P2RY8: variants seen among roughly 807,000 people sequenced by gnomAD.
P2RY8 encodes the protein S-geranylgeranyl-glutathione receptor P2RY8.
A neutral mutation model predicts 10.0 loss-of-function variants in P2RY8; 6 were observed. The observed-to-expected ratio is 0.60, with a 90% CI of 0.33 to 1.19. The LOEUF (loss-of-function observed/expected upper bound fraction) is 1.19. Ranked by LOEUF, P2RY8 falls within the 50% of genes most tolerant of loss-of-function variation. The pLI is 0.04. For synonymous variants in P2RY8, 276 were observed against 252.5 expected (o/e 1.09, Z -0.88); for missense variants, 456 against 542.0 (o/e 0.84, Z 1.58).
At chrX:1,469,429 A>C (rs2091753519) in intron 1 of P2RY8, among the ~76,000 whole-genome samples, 1 of 151,718 alleles carries the variant, frequency 6.6e-6, no homozygotes, top group African/African-American at 2.4e-5. Flanking sequence ...GGCCTCCTAA[A>C]GTGCTGGGAT....
chrX:1,515,247 A>T (rs1289602872), intron 1 of P2RY8, among the ~76,000 whole-genome samples: 1 of 151,282 alleles, frequency 6.6e-6, no homozygotes, highest in Non-Finnish European at 1.5e-5. Context: ...TTATTTTTTA[A>T]AGATAAAAAC....
At chrX:1,515,245 T>A (rs1476075892) in intron 1 of P2RY8, among the ~76,000 whole-genome samples, 1 of 151,490 alleles carries the variant, frequency 6.6e-6, no homozygotes, top group Non-Finnish European at 1.5e-5. Flanking sequence ...TATTATTTTT[T>A]AAAGATAAAA....
intron 1 of P2RY8, among the ~76,000 whole-genome samples, chrX:1,484,906 T>A (rs1379279497): frequency 6.6e-6 from 1 of 150,390 alleles, no homozygotes; most frequent in African/African-American, 2.4e-5. Flanking sequence ...ATTCTCCTCC[T>A]AGGTAAAAGC....
At chrX:1,487,216 A>T (rs1389567968) in intron 1 of P2RY8, among the ~76,000 whole-genome samples, 1 of 152,188 alleles carries the variant, frequency 6.6e-6, no homozygotes. Flanking sequence ...TCTCAAGTCC[A>T]GCATTGTTTC....
intron 1 of P2RY8, among the ~76,000 whole-genome samples, chrX:1,533,429 T>A (rs768832442): frequency 1.4e-5 from 2 of 144,702 alleles, no homozygotes; most frequent in African/African-American, 5.0e-5. Context: ...TATATATTTA[T>A]ATATTTATTA....
intron 1 of P2RY8, among the ~76,000 whole-genome samples, chrX:1,534,173 A>G (rs2092506956): frequency 7.3e-6 from 1 of 136,806 alleles, no homozygotes; most frequent in African/African-American, 2.7e-5. Flanking sequence ...ATATTTACAT[A>G]TATTATATAT....
intron 1 of P2RY8, among the ~76,000 whole-genome samples, chrX:1,505,406 G>T (rs1425984336): frequency 6.6e-6 from 1 of 152,224 alleles, no homozygotes; most frequent in African/African-American, 2.4e-5. Flanking sequence ...CTCGTGGCCA[G>T]CAAGGACAGG....
chrX:1,530,471 T>C (rs180939642), intron 1 of P2RY8, among the ~76,000 whole-genome samples: 2 of 146,526 alleles, frequency 1.4e-5, no homozygotes, highest in East Asian at 4.2e-4. Flanking sequence ...TATGTATGTA[T>C]GTATCTACCT....
At chrX:1,473,005 G>C (rs1423770385) in intron 1 of P2RY8, among the ~76,000 whole-genome samples, 2 of 137,538 alleles carry the variant, frequency 1.5e-5, no homozygotes, top group Admixed American at 1.4e-4. Flanking sequence ...AGGGTGGATG[G>C]GTGGATGAAT....
chrX:1,511,158 C>T (rs112691465), intron 1 of P2RY8, among the ~76,000 whole-genome samples: 32,294 of 151,716 alleles, frequency 0.21, 3,810 homozygotes, highest in Middle Eastern at 0.36. Flanking sequence ...CCAGCCTGGG[C>T]GACAGAGTGA....
intron 1 of P2RY8, among the ~76,000 whole-genome samples, chrX:1,473,881 T>G (rs2091836964): frequency 6.7e-6 from 1 of 148,300 alleles, no homozygotes. Context: ...TGTGGGTGGA[T>G]GCATTGATGG....
At chrX:1,530,742 A>G (rs1236715493) in intron 1 of P2RY8, among the ~76,000 whole-genome samples, 1 of 150,826 alleles carries the variant, frequency 6.6e-6, no homozygotes, top group Non-Finnish European at 1.5e-5. Context: ...GTATGTATCT[A>G]TCTAATCTAT....
chrX:1,509,099 G>GCATCTATC (rs1556682551), intron 1 of P2RY8, among the ~76,000 whole-genome samples: 2 of 138,308 alleles, frequency 1.4e-5, no homozygotes, highest in Non-Finnish European at 3.2e-5. Context: ...ATGTATCTAT[G>GCATCTATC]TATCTATCTA....
chrX:1,496,817 G>C (rs757047889), intron 1 of P2RY8, among the ~76,000 whole-genome samples: 147 of 49,240 alleles, frequency 3.0e-3, no homozygotes, highest in African/African-American at 0.017. Flanking sequence ...CCTGCCTCAG[G>C]CTCCCGAGTA....
chrX:1,486,265 G>A (rs2091985044), intron 1 of P2RY8, among the ~76,000 whole-genome samples: 1 of 152,154 alleles, frequency 6.6e-6, no homozygotes, highest in Non-Finnish European at 1.5e-5. Context: ...GCATATGAAC[G>A]TTCCCTGCAG....
intron 1 of P2RY8, among the ~76,000 whole-genome samples, chrX:1,472,985 G>T (rs2091813375): frequency 8.5e-6 from 1 of 117,930 alleles, no homozygotes; most frequent in Non-Finnish European, 1.8e-5. Flanking sequence ...GATGGATGGG[G>T]GTGGGTGGGA....
chrX:1,495,170 C>T (rs184541016), intron 1 of P2RY8, among the ~76,000 whole-genome samples: 7 of 152,190 alleles, frequency 4.6e-5, no homozygotes, highest in Non-Finnish European at 1.0e-4. Flanking sequence ...GCCTGGGTGA[C>T]AGAGCAGGAC....
Position 1,463,187 on chromosome X carries a change from A to G in P2RY8, c.*2292T>C, listed in dbSNP as rs2091611263. The stretch of plus-strand genomic sequence containing the variant: ...TTTTCACAGTTTTTTTTCCCCCATG[A>G]GACACACCCAAGGCCCACGCTCAGC... On this transcript the variant is annotated 3_prime_UTR_variant, in exon 2 of 2. Transcript: ENST00000381297. 1 of 233,098 alleles carries G rather than the reference A, an allele frequency of 4.3e-6. No homozygotes were observed. Among genetic ancestry groups the G allele is most frequent in the Non-Finnish European group, 8.5e-6 (1 of 118,000 alleles). 14.4% of individuals were successfully genotyped at this position (233,098 alleles called of 1,614,324 possible). A position where few individuals can be genotyped will look rare whatever the true frequency, so the allele number is the denominator to read the frequency against.
intron 1 of P2RY8, among the ~76,000 whole-genome samples, chrX:1,524,645 ACATCCATCCATCCATCCATCCATT>A (rs2092423427): frequency 2.4e-5 from 1 of 42,218 alleles, no homozygotes; most frequent in Non-Finnish European, 4.6e-5. Flanking sequence ...ATCCATCCAT[ACATCCATCCATCCATCCATCCATT>A]CATCCATCCA....
Sources: gnomAD v4.1 joint callset for allele counts (sites outside exome capture counted in the v4.1 genomes callset) on GRCh38, gnomAD v4.1.1 for gene constraint, MANE v1.5 for transcripts, NCBI Gene and HGNC (gene_info 2026-07-23, HGNC 2026-07-21) for gene names.